NRXN3: variants seen among roughly 807,000 people sequenced by gnomAD.
The protein encoded by NRXN3 is neurexin 3, also known as neurexin III.
NRXN3 carries 32 observed loss-of-function variants against 137.6 expected under a neutral mutation model. That is an observed-to-expected ratio of 0.23 (90% CI 0.18 to 0.31). The LOEUF (loss-of-function observed/expected upper bound fraction) is 0.31, where lower values mean the gene tolerates loss of function less well. Ranked by LOEUF, NRXN3 falls within the 10% of genes least tolerant of loss-of-function variation. The pLI is 1.00. For synonymous variants in NRXN3, 798 were observed against 784.5 expected (o/e 1.02, Z -0.29); for missense variants, 1,574 against 2,062.5 (o/e 0.76, Z 4.59).
chr14:78,756,461 C>T (rs898970812), intron 8 of NRXN3, among the ~76,000 whole-genome samples: 15 of 148,888 alleles, frequency 1.0e-4, no homozygotes, highest in African/African-American at 3.7e-4. Context: ...GTACTTGGCT[C>T]TGTACAAGAT....
At chr14:79,257,343 C>CTGG (rs577147425) in intron 15 of NRXN3, among the ~76,000 whole-genome samples, 303 of 12,684 alleles carry the variant, frequency 0.024, 43 homozygotes, top group East Asian at 0.042. Flanking sequence ...TGTCTTATTC[C>CTGG]TGGTGGTGGT....
At chr14:78,706,071 G>T (rs12887197) in intron 6 of NRXN3, among the ~76,000 whole-genome samples, 1 of 151,846 alleles carries the variant, frequency 6.6e-6, no homozygotes, top group African/African-American at 2.4e-5. Context: ...TCCCCAGCCT[G>T]CTGTAGCAAT....
At chr14:78,930,738 CA>C (rs1036518892) in intron 10 of NRXN3, among the ~76,000 whole-genome samples, 3 of 152,170 alleles carry the variant, frequency 2.0e-5, no homozygotes, top group Non-Finnish European at 4.4e-5. Context: ...GCATTTGAAT[CA>C]AACTTTCTTT....
chr14:79,558,928 T>G (rs2097459757), intron 16 of NRXN3, among the ~76,000 whole-genome samples: 1 of 152,186 alleles, frequency 6.6e-6, no homozygotes, highest in South Asian at 2.1e-4. Context: ...CTTGCACTTT[T>G]ATGTATGGAG....
intron 4 of NRXN3, among the ~76,000 whole-genome samples, chr14:78,572,262 C>G (rs2096896814): frequency 6.6e-6 from 1 of 152,212 alleles, no homozygotes; most frequent in Non-Finnish European, 1.5e-5. Context: ...CACTCTGTCT[C>G]TGTCTCCCCT....
chr14:78,537,486 T>C (rs1460194815), intron 4 of NRXN3, among the ~76,000 whole-genome samples: 1 of 152,242 alleles, frequency 6.6e-6, no homozygotes, highest in Non-Finnish European at 1.5e-5. Flanking sequence ...TTTGTTTGAG[T>C]TCTTTGTAGA....
chr14:78,973,950 G>A (rs1156239621), intron 14 of NRXN3, among the ~76,000 whole-genome samples: 1 of 152,070 alleles, frequency 6.6e-6, no homozygotes, highest in Non-Finnish European at 1.5e-5. Context: ...CAGTACAAGC[G>A]CCTATCTATC....
At chr14:79,575,080 T>G (rs2097651866) in intron 16 of NRXN3, among the ~76,000 whole-genome samples, 1 of 152,212 alleles carries the variant, frequency 6.6e-6, no homozygotes, top group Non-Finnish European at 1.5e-5. Flanking sequence ...ATCATTTTGT[T>G]GAAGTCATGT....
intron 15 of NRXN3, among the ~76,000 whole-genome samples, chr14:79,298,535 A>G (rs2084591903): frequency 1.3e-5 from 2 of 152,048 alleles, no homozygotes; most frequent in African/African-American, 4.8e-5. Flanking sequence ...TTCTCACCAG[A>G]TACTTGCCTG....
intron 8 of NRXN3, among the ~76,000 whole-genome samples, chr14:78,716,471 A>G (rs1406293232): frequency 1.3e-5 from 2 of 152,348 alleles, no homozygotes; most frequent in Non-Finnish European, 1.5e-5. Context: ...TGAGACATCT[A>G]TATAATAAGC....
At chr14:79,857,260 C>T (rs1379952696) in intron 20 of NRXN3, among the ~76,000 whole-genome samples, 2 of 152,134 alleles carry the variant, frequency 1.3e-5, no homozygotes, top group Non-Finnish European at 2.9e-5. Flanking sequence ...CTCGCTCTGT[C>T]GCCCAGGCTG....
In NRXN3 at chr14:78,966,152, T is replaced by C. The variant is rs2099416979; in HGVS notation, c.2523T>C (p.Asn841=). 6.2e-7 allele frequency: 1 copy of C among 1,614,226 alleles called. No individual in the cohort carries two copies. The highest frequency in any genetic ancestry group is 2.2e-5 in the East Asian group (1 of 44,884). ...FIGHLQSLMF[N]GLLYIDLCKN... ...GCCATCTGCAGAGCCTCATGTTTAA[T>C]GGCCTTCTCTACATTGACTTGTGCA... The change falls in exon 12 of 21, where the codon AAT becomes AAC. Residue 841 remains asparagine, a synonymous_variant. Coordinates refer to ENST00000335750, the MANE Select transcript of NRXN3 (RefSeq NM_001330195.2).
intron 15 of NRXN3, among the ~76,000 whole-genome samples, chr14:79,370,141 G>T (rs1412083287): frequency 6.6e-6 from 1 of 152,116 alleles, no homozygotes; most frequent in African/African-American, 2.4e-5. Context: ...CCACCATTTA[G>T]TAAGGAAGAA....
intron 6 of NRXN3, among the ~76,000 whole-genome samples, chr14:78,691,527 C>T (rs142008631): frequency 0.011 from 1,629 of 152,260 alleles, 17 homozygotes; most frequent in Middle Eastern, 0.024. Flanking sequence ...TGATGGAATT[C>T]TAGTGGATGC....
intron 16 of NRXN3, among the ~76,000 whole-genome samples, chr14:79,506,088 G>A (rs528268490): frequency 1.3e-5 from 2 of 152,142 alleles, no homozygotes; most frequent in African/African-American, 4.8e-5. Flanking sequence ...CAGCAACAGA[G>A]ACTAAATCAA....
chr14:79,113,235 C>A (rs556925672), intron 15 of NRXN3, among the ~76,000 whole-genome samples: 1 of 152,086 alleles, frequency 6.6e-6, no homozygotes, highest in East Asian at 1.9e-4. Context: ...TGTACTAGAC[C>A]AAGGAATGGA....
At chr14:79,630,278 C>G (rs960500899) in intron 16 of NRXN3, among the ~76,000 whole-genome samples, 42 of 152,230 alleles carry the variant, frequency 2.8e-4, no homozygotes, top group African/African-American at 9.4e-4. Flanking sequence ...ACTTGCCCCC[C>G]TCAGCATAAG....
intron 1 of NRXN3, among the ~76,000 whole-genome samples, chr14:78,225,974 GGT>G (rs71131635): frequency 0.024 from 2,959 of 123,542 alleles, 52 homozygotes; most frequent in Non-Finnish European, 0.032. Flanking sequence ...TGTGTGTGTT[GGT>G]GTGTGTGTGT....
At position 78,756,518 on chromosome 14, in the gene NRXN3, C is replaced by A. The variant is rs140231113; in HGVS notation, c.2044+41379C>A. 3.3e-3 allele frequency among the ~76,000 whole-genome samples: 491 copies of A among 147,784 alleles called. 3 individuals carry two copies. Among genetic ancestry groups the A allele is most frequent in the African/African-American group, 0.012 (471 of 39,706 alleles). ...GGTGGCTCTGATCGCCCAAGCTCAG[C>A]CTGGGTGACAGACTGGGATTCTGTC... On this transcript the variant is annotated intron_variant, in intron 8 of 20. Coordinates refer to ENST00000335750, the MANE Select transcript of NRXN3 (RefSeq NM_001330195.2).
Sources: allele counts gnomAD v4.1 joint callset (sites outside exome capture counted in the v4.1 genomes callset), GRCh38; gene constraint gnomAD v4.1.1; transcripts MANE v1.5; gene names NCBI Gene and HGNC (gene_info 2026-07-23, HGNC 2026-07-21).